DLG2: variants seen among roughly 807,000 people sequenced by gnomAD.
The protein encoded by DLG2 is disks large homolog 2.
DLG2 carries 45 observed loss-of-function variants against 132.5 expected under a neutral mutation model. The observed-to-expected ratio is 0.34, with a 90% confidence interval of 0.27 to 0.44. DLG2 has a LOEUF of 0.44. DLG2 is among the 20% of genes least tolerant of loss of function. The pLI, the probability that DLG2 is intolerant of heterozygous loss-of-function variation, is 1.00. For synonymous variants in DLG2, 424 were observed against 419.6 expected (o/e 1.01, Z -0.13); for missense variants, 1,045 against 1,196.9 (o/e 0.87, Z 1.87).
intron 2 of DLG2, among the ~76,000 whole-genome samples, chr11:85,607,735 C>T (rs1040308119): frequency 3.9e-5 from 6 of 152,172 alleles, no homozygotes; most frequent in African/African-American, 1.2e-4. Context: ...AAAGGCTATT[C>T]CTACAGCTAG....
chr11:84,056,537 C>T (rs1238833592), intron 11 of DLG2, among the ~76,000 whole-genome samples: 1 of 152,102 alleles, frequency 6.6e-6, no homozygotes, highest in Non-Finnish European at 1.5e-5. Context: ...GAGACGACAT[C>T]TCATTTATCT....
intron 3 of DLG2, among the ~76,000 whole-genome samples, chr11:85,522,195 C>T (rs868197182): frequency 3.3e-5 from 5 of 152,250 alleles, no homozygotes; most frequent in Admixed American, 6.5e-5. Flanking sequence ...AAAGGGGCCA[C>T]GGTATCACTC....
Position 83,980,616 on chromosome 11 carries a change from C to A in DLG2, c.946G>T (p.Val316Leu). The change falls in exon 12 of 28, where the codon GTG (valine) becomes TTG (leucine). Residue 316 changes from valine to leucine, a missense_variant. Transcript: ENST00000376104. Reference sequence around the variant, plus strand: ...TCTCCAGGAATGTGTTGGTTCCCCACACCTCCTGCAATACTGAAGCCTAAA... The same window carrying A: ...TCTCCAGGAATGTGTTGGTTCCCCAAACCTCCTGCAATACTGAAGCCTAAA... ...KGLGFSIAGG[V>L]GNQHIPGDNS... The A allele has an allele frequency of 6.2e-7, 1 of 1,612,900 alleles. No homozygotes were observed. Among genetic ancestry groups the A allele is most frequent in the African/African-American group, 1.3e-5 (1 of 74,954 alleles).
At chr11:85,475,551 T>C (rs2093115577) in intron 3 of DLG2, among the ~76,000 whole-genome samples, 1 of 152,116 alleles carries the variant, frequency 6.6e-6, no homozygotes, top group Non-Finnish European at 1.5e-5. Context: ...TCTATTGCTG[T>C]AATTTTTCCA....
At chr11:83,885,706 G>A (rs1018480227) in intron 15 of DLG2, among the ~76,000 whole-genome samples, 3 of 152,220 alleles carry the variant, frequency 2.0e-5, no homozygotes, top group South Asian at 2.1e-4. Context: ...GAGAAAGGTC[G>A]GGTTACCCAC....
At chr11:84,862,392 C>T (rs944639958) in intron 6 of DLG2, among the ~76,000 whole-genome samples, 59 of 152,106 alleles carry the variant, frequency 3.9e-4, no homozygotes, top group African/African-American at 1.4e-3. Flanking sequence ...TTAGTTCAAC[C>T]GTTGTGGAAG....
At chr11:84,971,997 C>T (rs2054161853) in intron 6 of DLG2, among the ~76,000 whole-genome samples, 1 of 152,040 alleles carries the variant, frequency 6.6e-6, no homozygotes, top group African/African-American at 2.4e-5. Flanking sequence ...TAAAAATAAA[C>T]CTATGTTTAA....
intron 6 of DLG2, among the ~76,000 whole-genome samples, chr11:84,587,248 CT>C (rs1006281697): frequency 2.6e-5 from 4 of 152,128 alleles, no homozygotes; most frequent in South Asian, 2.1e-4. Context: ...ATGTGTCTGG[CT>C]TTAACTGAGA....
At chr11:84,788,657 A>T (rs1010844996) in intron 6 of DLG2, among the ~76,000 whole-genome samples, 6 of 152,154 alleles carry the variant, frequency 3.9e-5, no homozygotes, top group African/African-American at 1.4e-4. Context: ...TATACTAAAT[A>T]ATACAGTTAA....
intron 3 of DLG2, among the ~76,000 whole-genome samples, chr11:85,395,873 A>G (rs2087304533): frequency 6.6e-6 from 1 of 152,228 alleles, no homozygotes; most frequent in Non-Finnish European, 1.5e-5. Context: ...GCTTCTGCAG[A>G]TTTAAACATC....
At chr11:84,002,293 C>A (rs1303449037) in intron 11 of DLG2, among the ~76,000 whole-genome samples, 2 of 152,126 alleles carry the variant, frequency 1.3e-5, no homozygotes, top group Non-Finnish European at 2.9e-5. Flanking sequence ...TGGGATCTAC[C>A]ATCCTAGGGT....
At chr11:84,232,013 A>G (rs2097100173) in intron 8 of DLG2, among the ~76,000 whole-genome samples, 1 of 152,176 alleles carries the variant, frequency 6.6e-6, no homozygotes, top group African/African-American at 2.4e-5. Flanking sequence ...ATTTACCACC[A>G]AGATGGGGAA....
intron 3 of DLG2, among the ~76,000 whole-genome samples, chr11:85,434,235 C>T (rs533414776): frequency 6.4e-4 from 97 of 151,986 alleles, no homozygotes; most frequent in East Asian, 1.9e-4. Context: ...GATCTCAAAT[C>T]GACACCCTAA....
intron 6 of DLG2, among the ~76,000 whole-genome samples, chr11:84,929,087 A>G (rs2047797330): frequency 7.0e-6 from 1 of 143,704 alleles, no homozygotes; most frequent in Non-Finnish European, 1.5e-5. Flanking sequence ...GATATATCCC[A>G]TTTGATTTTT....
intron 21 of DLG2, among the ~76,000 whole-genome samples, chr11:83,500,723 C>T (rs1370120692): frequency 6.6e-6 from 1 of 151,478 alleles, no homozygotes. Context: ...TATTGAATGC[C>T]TGTATGTCCC....
At chr11:83,936,168 G>T (rs2081385058) in intron 14 of DLG2, among the ~76,000 whole-genome samples, 1 of 152,216 alleles carries the variant, frequency 6.6e-6, no homozygotes, top group South Asian at 2.1e-4. Context: ...GCACTTTCAT[G>T]TAATGTGAAT....
intron 7 of DLG2, among the ~76,000 whole-genome samples, chr11:84,321,283 T>G (rs1441485128): frequency 6.6e-6 from 1 of 151,860 alleles, no homozygotes; most frequent in African/African-American, 2.4e-5. Flanking sequence ...GTGAAACAGC[T>G]TTCTAACTGG....
chr11:84,208,024 G>GT (rs1290759073), intron 8 of DLG2, among the ~76,000 whole-genome samples: 2 of 152,038 alleles, frequency 1.3e-5, no homozygotes, highest in African/African-American at 2.4e-5. Context: ...TGAAATAAAA[G>GT]TTTTTTTAAA....
chr11:84,946,201 A>G (rs941422429), intron 6 of DLG2, among the ~76,000 whole-genome samples: 1 of 152,134 alleles, frequency 6.6e-6, no homozygotes, highest in African/African-American at 2.4e-5. Flanking sequence ...TTAGTGCTCT[A>G]CGTCACTGTG....
Sources: allele counts gnomAD v4.1 joint callset (sites outside exome capture counted in the v4.1 genomes callset), GRCh38; gene constraint gnomAD v4.1.1; transcripts MANE v1.5; gene names NCBI Gene and HGNC (gene_info 2026-07-23, HGNC 2026-07-21).